CNTN1: variants seen among roughly 807,000 people sequenced by gnomAD.
The protein encoded by CNTN1 is contactin-1.
In CNTN1, 38 loss-of-function variants were observed where a neutral mutation model predicts 126.4. That is an observed-to-expected ratio of 0.30 (90% CI 0.23 to 0.39). CNTN1 has a LOEUF of 0.39. CNTN1 is among the 10% of genes least tolerant of loss of function. The probability of loss-of-function intolerance (pLI) is 1.00; values close to 1 mark genes in which losing one functional copy is unlikely to be tolerated. For missense variants in CNTN1, 1,009 were observed against 1,248.4 expected (o/e 0.81, Z 2.89); for synonymous variants, 413 against 422.6 (o/e 0.98, Z 0.28).
At chr12:40,747,997 T>A (rs1344501959) in intron 1 of CNTN1, among the ~76,000 whole-genome samples, 3 of 152,124 alleles carry the variant, frequency 2.0e-5, no homozygotes. Flanking sequence ...GTGGAGGGCA[T>A]AAAATACGAA....
At chr12:40,986,121 T>C (rs1336755715) in intron 16 of CNTN1, among the ~76,000 whole-genome samples, 1 of 152,216 alleles carries the variant, frequency 6.6e-6, no homozygotes, top group Non-Finnish European at 1.5e-5. Context: ...AAGTTGTGCA[T>C]GTTTTCCACT....
At chr12:40,716,875 A>T (rs1013080353) in intron 1 of CNTN1, among the ~76,000 whole-genome samples, 1 of 152,126 alleles carries the variant, frequency 6.6e-6, no homozygotes, top group Non-Finnish European at 1.5e-5. Flanking sequence ...GATAAATATA[A>T]CCTGCTCCCA....
intron 1 of CNTN1, among the ~76,000 whole-genome samples, chr12:40,814,987 T>C (rs1941211246): frequency 6.6e-6 from 1 of 152,206 alleles, no homozygotes; most frequent in African/African-American, 2.4e-5. Flanking sequence ...ATGATTTGGC[T>C]CTCTGTTGGT....
chr12:40,809,385 G>C (rs1260939245), intron 1 of CNTN1, among the ~76,000 whole-genome samples: 1 of 152,088 alleles, frequency 6.6e-6, no homozygotes, highest in African/African-American at 2.4e-5. Flanking sequence ...ATCCTTCTCT[G>C]GGGGTTAGTT....
intron 15 of CNTN1, among the ~76,000 whole-genome samples, chr12:40,974,214 T>C (rs936627240): frequency 1.3e-5 from 2 of 152,168 alleles, no homozygotes; most frequent in Admixed American, 6.6e-5. Context: ...TTACCAAATA[T>C]ATTTATAGCA....
At chr12:40,846,646 A>G (rs2136602271) in intron 1 of CNTN1, among the ~76,000 whole-genome samples, 1 of 152,146 alleles carries the variant, frequency 6.6e-6, no homozygotes, top group Non-Finnish European at 1.5e-5. Context: ...TCAATCAGAA[A>G]TGTATAGGCA....
At chr12:40,876,419 T>G (rs1943669590) in intron 1 of CNTN1, among the ~76,000 whole-genome samples, 4 of 152,076 alleles carry the variant, frequency 2.6e-5, no homozygotes, top group Admixed American at 2.6e-4. Context: ...AGTGTTCCAT[T>G]TAAACCTCAT....
At chr12:40,711,603 C>T (rs929278721) in intron 1 of CNTN1, among the ~76,000 whole-genome samples, 1 of 152,070 alleles carries the variant, frequency 6.6e-6, no homozygotes, top group Non-Finnish European at 1.5e-5. Context: ...AACTTTTGCA[C>T]CCCCAACTAA....
chr12:40,937,664 C>T lies in CNTN1; in HGVS notation c.1205C>T (p.Ala402Val), dbSNP rs1479584255. The T allele has an allele frequency of 6.2e-7, 1 of 1,607,096 alleles. No individual in the cohort carries two copies. Among genetic ancestry groups the T allele is most frequent in the Non-Finnish European group, 8.5e-7 (1 of 1,173,804 alleles). Residue 402 changes from alanine (A) to valine (V), a missense_variant, in exon 11 of 24, where the codon GCA becomes GTA. Physicochemically the swap from Ala to Val is moderately conservative, Grantham distance 64 (BLOSUM62 0). Transcript: ENST00000551295. ...GAAAACACATATGGAGCCATTTATGCAAATGCTGAGTTGAAGATCTTGGGT... is the reference window on the plus strand; with the variant it reads ...GAAAACACATATGGAGCCATTTATGTAAATGCTGAGTTGAAGATCTTGGGT... ...IAENTYGAIY[A>V]NAELKILALA...
intron 1 of CNTN1, among the ~76,000 whole-genome samples, chr12:40,837,960 C>T (rs1261718877): frequency 1.3e-5 from 2 of 152,108 alleles, no homozygotes; most frequent in Non-Finnish European, 2.9e-5. Flanking sequence ...TGAGGATAAC[C>T]CCACCCTCTC....
intron 6 of CNTN1, among the ~76,000 whole-genome samples, chr12:40,925,108 A>G (rs756745172): frequency 1.3e-5 from 2 of 151,780 alleles, no homozygotes; most frequent in Non-Finnish European, 2.9e-5. Context: ...TAGGAATACC[A>G]ATCAGCAAGA....
intron 12 of CNTN1, 138 bp downstream of exon 12, chr12:40,939,623 G>T (rs1946197168): frequency 2.3e-6 from 2 of 879,498 alleles, no homozygotes; most frequent in African/African-American, 1.7e-5. Context: ...GTAGTTCTAA[G>T]ATGGACAGAA....
intron 16 of CNTN1, among the ~76,000 whole-genome samples, chr12:40,985,758 C>T (rs991346300): frequency 2.0e-5 from 3 of 152,124 alleles, no homozygotes; most frequent in African/African-American, 7.2e-5. Context: ...TTCATTACCT[C>T]TTGAAATATT....
At chr12:40,758,686 A>G (rs1278303646) in intron 1 of CNTN1, among the ~76,000 whole-genome samples, 5 of 152,138 alleles carry the variant, frequency 3.3e-5, no homozygotes, top group African/African-American at 1.2e-4. Flanking sequence ...TCCAGTTTCA[A>G]CAGTTATCAA....
At chr12:40,955,672 T>C (rs1451401386) in intron 14 of CNTN1, among the ~76,000 whole-genome samples, 4 of 152,134 alleles carry the variant, frequency 2.6e-5, no homozygotes, top group Admixed American at 2.6e-4. Context: ...AAGTACTTTG[T>C]ATGTAATAAT....
At chr12:41,059,539 G>A (rs1374352747) in intron 23 of CNTN1, among the ~76,000 whole-genome samples, 3 of 152,202 alleles carry the variant, frequency 2.0e-5, no homozygotes, top group Non-Finnish European at 4.4e-5. Context: ...ACTGGGCTTA[G>A]ATTCTGGTTT....
chr12:40,958,992 C>A, intron 14 of CNTN1, 122 bp from the exon 15 acceptor site: 1 of 1,176,410 alleles, frequency 8.5e-7, no homozygotes, highest in Non-Finnish European at 1.2e-6. Context: ...GTTAGCATGT[C>A]TAAAACACAT....
At chr12:40,862,666 A>T (rs1447975155) in intron 1 of CNTN1, among the ~76,000 whole-genome samples, 2 of 151,598 alleles carry the variant, frequency 1.3e-5, no homozygotes, top group Non-Finnish European at 2.9e-5. Context: ...CTCACAATTC[A>T]CTCCTTCAGT....
At chr12:40,825,448 C>T (rs949287331) in intron 1 of CNTN1, among the ~76,000 whole-genome samples, 6 of 152,052 alleles carry the variant, frequency 3.9e-5, no homozygotes, top group Non-Finnish European at 7.4e-5. Context: ...TTATTGACCC[C>T]ATTCATATTA....
Sources: gnomAD v4.1 joint callset for allele counts (sites outside exome capture counted in the v4.1 genomes callset) on GRCh38, gnomAD v4.1.1 for gene constraint, MANE v1.5 for transcripts, NCBI Gene and HGNC (gene_info 2026-07-23, HGNC 2026-07-21) for gene names.